CAPN13: variants seen among roughly 807,000 people sequenced by gnomAD.
The protein encoded by CAPN13 is calpain-13.
In CAPN13, 90 loss-of-function variants were observed where a neutral mutation model predicts 98.4. The observed-to-expected ratio is 0.92, with a 90% CI of 0.77 to 1.09. The LOEUF is 1.09. Among genes scored for constraint, CAPN13 ranks in the 50% least tolerant of loss-of-function variants. CAPN13 has a pLI of 0.00. For missense variants in CAPN13, 887 were observed against 841.3 expected (o/e 1.05, Z -0.67); for synonymous variants, 330 against 305.5 (o/e 1.08, Z -0.84).
In CAPN13 at chr2:30,723,130, ACT is replaced by A. The variant is rs972230997; in HGVS notation, c.*135_*136del. On this transcript the variant is annotated 3_prime_UTR_variant, in exon 23 of 23. Coordinates refer to ENST00000295055, the MANE Select transcript of CAPN13 (RefSeq NM_144575.3). ...CCCAGGCTGTTGGGAGACAGCTTGGACTCTGTTTCATGCAGGGCTGGTTTAGA... is the reference window on the plus strand; with the variant it reads ...CCCAGGCTGTTGGGAGACAGCTTGGACTGTTTCATGCAGGGCTGGTTTAGA... 4 of 152,190 alleles carry A rather than the reference ACT, an allele frequency of 2.6e-5. No homozygotes were observed. The highest frequency in any genetic ancestry group is 9.7e-5 in the African/African-American group (4 of 41,422). The allele number at this position is 152,190 out of a possible 1,614,324, so 9.4% of individuals were successfully genotyped here. A position where few individuals can be genotyped will look rare whatever the true frequency, so the allele number is the denominator to read the frequency against.
At position 30,741,692 on chromosome 2, in the gene CAPN13, T is replaced by A. The variant is rs1456438263; in HGVS notation, c.1536+216A>T. The A allele has an allele frequency of 5.7e-6, 8 of 1,404,140 alleles. No homozygotes were observed. In the South Asian group the frequency reaches 1.3e-4, roughly 22 times the overall value. The allele number at this position is 1,404,140 out of a possible 1,614,324, so 87.0% of individuals were successfully genotyped here. A position where few individuals can be genotyped will look rare whatever the true frequency, so the allele number is the denominator to read the frequency against. On this transcript the variant is annotated intron_variant, in intron 15 of 22. Transcript: ENST00000295055. ...CCTTTCTAAGCTCTGCATTCCAGCT[T>A]GAAGTCCCCCGGATGACACTGGGTG...
At chr2:30,806,390 CA>C (rs1675625997) in intron 1 of CAPN13, 1 of 145,486 alleles carries the variant, frequency 6.9e-6, no homozygotes, top group African/African-American at 2.6e-5. Flanking sequence ...GTCACTCCTC[CA>C]ACCTTCAAAA....
intron 2 of CAPN13, among the ~76,000 whole-genome samples, chr2:30,780,043 T>G (rs752358618): frequency 2.0e-5 from 3 of 152,202 alleles, no homozygotes; most frequent in Non-Finnish European, 4.4e-5. Flanking sequence ...AAAAATCTGA[T>G]GATTTTTTGA....
intron 2 of CAPN13, among the ~76,000 whole-genome samples, chr2:30,783,871 A>G (rs1477202444): frequency 2.0e-5 from 3 of 152,172 alleles, no homozygotes; most frequent in African/African-American, 7.2e-5. Context: ...TCAACTTTCT[A>G]AAAATAGTGA....
At chr2:30,789,782 T>G (rs1227486208) in intron 1 of CAPN13, among the ~76,000 whole-genome samples, 1 of 152,216 alleles carries the variant, frequency 6.6e-6, no homozygotes, top group Non-Finnish European at 1.5e-5. Flanking sequence ...ATCATTGTTA[T>G]TTTGAGCAGG....
intron 2 of CAPN13, among the ~76,000 whole-genome samples, chr2:30,779,565 A>G (rs763350952): frequency 4.6e-5 from 7 of 152,206 alleles, no homozygotes; most frequent in Non-Finnish European, 1.0e-4. Flanking sequence ...GACATAGTAC[A>G]TGTTCAACAA....
chr2:30,741,206 T>C (rs1267063393), intron 15 of CAPN13, among the ~76,000 whole-genome samples: 1 of 152,202 alleles, frequency 6.6e-6, no homozygotes, highest in Non-Finnish European at 1.5e-5. Context: ...TTCTTAGTTT[T>C]TCCCTACTTT....
At chr2:30,785,665 C>T (rs188338578) in intron 2 of CAPN13, among the ~76,000 whole-genome samples, 2 of 152,128 alleles carry the variant, frequency 1.3e-5, no homozygotes, top group Middle Eastern at 3.2e-3. Context: ...ATTAGAATCT[C>T]TCAATCCTTT....
intron 7 of CAPN13, among the ~76,000 whole-genome samples, chr2:30,761,258 G>C (rs1009599459): frequency 6.6e-6 from 1 of 152,180 alleles, no homozygotes; most frequent in Non-Finnish European, 1.5e-5. Context: ...CGGGACATGC[G>C]GTCTTGATCA....
chr2:30,764,631 C>T (rs1673020750), intron 5 of CAPN13, among the ~76,000 whole-genome samples: 1 of 152,180 alleles, frequency 6.6e-6, no homozygotes, highest in Admixed American at 6.5e-5. Flanking sequence ...GGCTGCTTGA[C>T]CTTGGGCACA....
chr2:30,753,039 A>G lies in CAPN13; in HGVS notation c.1087+14T>C, dbSNP rs949090702. 3.7e-6 allele frequency: 6 copies of G among 1,613,482 alleles called. No homozygotes were observed. In the African/African-American group the frequency reaches 6.7e-5, roughly 18 times the overall value. On this transcript the variant is annotated intron_variant, in intron 10 of 22. Transcript: ENST00000295055. ...CTTCCAGTTGGGCAGTGTGACCACC[A>G]GCGTCATGATTACCTGCAGTGTTTC...
rs370849221 is a variant in CAPN13 at position 30,738,526 on chromosome 2, C to T, written c.1537-69G>A. On this transcript the variant is annotated intron_variant, in intron 15 of 22. Transcript: ENST00000295055. The stretch of plus-strand genomic sequence containing the variant: ...GGATCTGAGAGGCACATCTGCCTGC[C>T]GTGTAAAAGCACTCAGATTTCCAAG... 847 of 1,478,118 alleles carry T rather than the reference C, an allele frequency of 5.7e-4. 13 individuals are homozygous for T. Among genetic ancestry groups the T allele is most frequent in the Middle Eastern group, 1.7e-4 (1 of 5,822 alleles). 91.6% of individuals were successfully genotyped at this position (1,478,118 alleles called of 1,614,324 possible). A position where few individuals can be genotyped will look rare whatever the true frequency, so the allele number is the denominator to read the frequency against.
intron 22 of CAPN13, among the ~76,000 whole-genome samples, chr2:30,730,369 T>G (rs1450520940): frequency 6.6e-6 from 1 of 152,226 alleles, no homozygotes; most frequent in Admixed American, 6.5e-5. Flanking sequence ...CCCTAAGGCC[T>G]GACCATTTCT....
intron 5 of CAPN13, among the ~76,000 whole-genome samples, chr2:30,766,796 C>T (rs1673135281): frequency 6.6e-6 from 1 of 152,218 alleles, no homozygotes; most frequent in African/African-American, 2.4e-5. Context: ...CCCTCAATCT[C>T]CTCTCTATTT....
At chr2:30,785,463 C>T (rs937361203) in intron 2 of CAPN13, among the ~76,000 whole-genome samples, 1 of 152,160 alleles carries the variant, frequency 6.6e-6, no homozygotes, top group Non-Finnish European at 1.5e-5. Context: ...CCCCTGTCCC[C>T]AGTCCCCCCA....
chr2:30,772,764 G>C (rs1157274420), intron 4 of CAPN13, among the ~76,000 whole-genome samples: 1 of 151,932 alleles, frequency 6.6e-6, no homozygotes. Flanking sequence ...TCCCAGACAA[G>C]ATTAATTTTT....
chr2:30,784,393 C>T (rs1204830090), intron 2 of CAPN13, among the ~76,000 whole-genome samples: 1 of 152,150 alleles, frequency 6.6e-6, no homozygotes, highest in Admixed American at 6.5e-5. Context: ...AAATTAATCA[C>T]AGTAACAAAA....
Position 30,758,802 on chromosome 2 carries a change from CCCTCCCTTCCCTT to C in CAPN13, c.775-678_775-666del, listed in dbSNP as rs1558314678. 0.012 allele frequency among the ~76,000 whole-genome samples: 1,388 copies of C among 118,360 alleles called. 31 individuals are homozygous for C. The East Asian group carries it at 0.12, about 10-fold the overall frequency. 77.6% of individuals were successfully genotyped at this position (118,360 alleles called of 152,430 possible). A position where few individuals can be genotyped will look rare whatever the true frequency, so the allele number is the denominator to read the frequency against. ...CCTCCCTCCCTTTCCTTTCCTTCCTCCCTCCCTTCCCTTCCTCCCTTCCTTCCTCCCTTCCTTC... is the reference window on the plus strand; with the variant it reads ...CCTCCCTCCCTTTCCTTTCCTTCCTCCCTCCCTTCCTTCCTCCCTTCCTTC... On this transcript the variant is annotated intron_variant, in intron 7 of 22. Transcript: ENST00000295055.
rs1481077002 is a variant in CAPN13, at chr2:30,731,385, G to T, written c.1942C>A (p.Leu648Ile). The stretch of plus-strand genomic sequence containing the variant: ...TAGAGTCCTTTTCCATCCTTAGAGA[G>T]GTTGCGGAAGGTCTCTAGGATAAAG... ...LEAMAKTFRN[L>I]SKDGKGLYLT... Residue 648 changes from leucine to isoleucine, a missense_variant, in exon 21 of 23, where the codon CTC (leucine) becomes ATC (isoleucine). Coordinates refer to ENST00000295055, the MANE Select transcript of CAPN13 (RefSeq NM_144575.3). 1.2e-6 allele frequency: 2 copies of T among 1,610,588 alleles called. No homozygotes were observed. The highest frequency in any genetic ancestry group is 1.1e-5 in the South Asian group (1 of 90,456).
Sources: allele counts gnomAD v4.1 joint callset (sites outside exome capture counted in the v4.1 genomes callset), GRCh38; gene constraint gnomAD v4.1.1; transcripts MANE v1.5; gene names NCBI Gene and HGNC (gene_info 2026-07-23, HGNC 2026-07-21).